PSAP: variants seen among roughly 807,000 people sequenced by gnomAD.
PSAP encodes the protein precursor of saposins.
Under a neutral mutation model 66.0 loss-of-function variants are expected in PSAP, and 25 were observed. The ratio of observed to expected loss-of-function variants is 0.38; its 90% CI spans 0.28 to 0.53. PSAP has a LOEUF of 0.53. Among genes scored for constraint, PSAP ranks in the 20% least tolerant of loss-of-function variants. PSAP has a pLI of 0.83. For synonymous variants in PSAP, 273 were observed against 258.9 expected (o/e 1.05, Z -0.52); for missense variants, 649 against 668.8 (o/e 0.97, Z 0.33).
intron 1 of PSAP, among the ~76,000 whole-genome samples, chr10:71,846,661 G>A (rs1842829931): frequency 6.6e-6 from 1 of 151,184 alleles, no homozygotes; most frequent in African/African-American, 2.4e-5. Context: ...AAACCCGGGA[G>A]GTGGAGGTTG....
intron 13 of PSAP, 109 bp from the exon 14 acceptor site, chr10:71,817,585 G>T: frequency 1.9e-6 from 2 of 1,074,840 alleles, no homozygotes; most frequent in Non-Finnish European, 2.9e-6. Context: ...CTTGTCCTAG[G>T]TCAGCTGGAT....
intron 13 of PSAP, 116 bp from the exon 14 acceptor site, chr10:71,817,592 G>A (rs1842197163): frequency 1.0e-6 from 1 of 984,984 alleles, no homozygotes; most frequent in South Asian, 1.3e-5. Context: ...TAGGTCAGCT[G>A]GATGGCACCA....
chr10:71,830,750 C>A (rs188279389), intron 4 of PSAP, among the ~76,000 whole-genome samples: 105 of 152,320 alleles, frequency 6.9e-4, no homozygotes, highest in African/African-American at 2.4e-3. Flanking sequence ...CCAATACATT[C>A]CCTGAATTAT....
intron 1 of PSAP, among the ~76,000 whole-genome samples, chr10:71,849,111 AAG>A: frequency 6.6e-6 from 1 of 152,344 alleles, no homozygotes; most frequent in Middle Eastern, 3.4e-3. Flanking sequence ...TGTAAAAAGA[AAG>A]AAAAAAAATT....
chr10:71,839,385 G>A (rs1842688320), intron 1 of PSAP, among the ~76,000 whole-genome samples: 1 of 152,114 alleles, frequency 6.6e-6, no homozygotes, highest in East Asian at 2.0e-4. Flanking sequence ...GATTATAGGC[G>A]CCTGCCACCA....
intron 2 of PSAP, 32 bp downstream of exon 2, chr10:71,834,340 T>A (rs368412216): frequency 5.1e-5 from 83 of 1,612,444 alleles, no homozygotes; most frequent in Non-Finnish European, 6.9e-5. Flanking sequence ...AGAGGAGTGC[T>A]GCGGCTGGGA....
At position 71,831,258 on chromosome 10, in the gene PSAP, G is replaced by C; in HGVS notation, c.250-7C>G. The stretch of plus-strand genomic sequence containing the variant: ...AGTAAACAAGGATCTCCTCCTACGA[G>C]AGGACACCAGGGTCAGAATCACGAT... On this transcript the variant is annotated splice_region_variant and splice_polypyrimidine_tract_variant and intron_variant, in intron 3 of 13. Coordinates refer to ENST00000394936, the MANE Select transcript of PSAP (RefSeq NM_002778.4). 6.2e-7 allele frequency: 1 copy of C among 1,613,590 alleles called. No homozygotes were observed. Among genetic ancestry groups the C allele is most frequent in the Non-Finnish European group, 8.5e-7 (1 of 1,179,850 alleles).
intron 8 of PSAP, among the ~76,000 whole-genome samples, chr10:71,821,271 C>A (rs1441511484): frequency 6.6e-6 from 1 of 152,246 alleles, no homozygotes; most frequent in Non-Finnish European, 1.5e-5. Context: ...AGGCATCACA[C>A]AGCCCAGGCC....
At position 71,818,791 on chromosome 10, in the gene PSAP, A is replaced by T. The variant is rs1842231111; in HGVS notation, c.1432-67T>A. ...AGCTGCCCGATGTATCGCTTTCAAA[A>T]CTAAGAAAACAGTTTCCAGAAGGAG... On this transcript the variant is annotated intron_variant, in intron 12 of 13. Coordinates refer to ENST00000394936, the MANE Select transcript of PSAP (RefSeq NM_002778.4). 4 of 1,351,312 alleles carry T rather than the reference A, an allele frequency of 3.0e-6. No homozygotes were observed. The South Asian group carries it at 3.5e-5, about 12-fold the overall frequency. The allele number at this position is 1,351,312 out of a possible 1,614,324, so 83.7% of individuals were successfully genotyped here.
At chr10:71,836,586 A>G (rs1319336276) in intron 1 of PSAP, among the ~76,000 whole-genome samples, 1 of 152,174 alleles carries the variant, frequency 6.6e-6, no homozygotes, top group African/African-American at 2.4e-5. Context: ...AGGCAGAGGA[A>G]GGCAGAGTGA....
intron 5 of PSAP, 28 bp from the exon 6 acceptor site, chr10:71,828,185 C>G (rs1348520553): frequency 1.2e-6 from 2 of 1,613,784 alleles, no homozygotes; most frequent in Non-Finnish European, 1.7e-6. Context: ...AGGTTTGCAA[C>G]TTAAGAGGAC....
intron 1 of PSAP, among the ~76,000 whole-genome samples, chr10:71,836,308 T>C (rs913473031): frequency 5.9e-5 from 9 of 152,088 alleles, no homozygotes; most frequent in African/African-American, 2.2e-4. Context: ...GCCCGCAGTG[T>C]AGCCAAGCAT....
chr10:71,818,434 G>A (rs1842219731), intron 13 of PSAP, among the ~76,000 whole-genome samples, 183 bp downstream of exon 13: 2 of 152,184 alleles, frequency 1.3e-5, no homozygotes, highest in African/African-American at 4.8e-5. Flanking sequence ...CTACAAGAGT[G>A]TAGTTCACCC....
intron 7 of PSAP, chr10:71,822,784 C>T (rs1842331404): frequency 5.8e-6 from 2 of 343,620 alleles, no homozygotes; most frequent in South Asian, 2.5e-5. Context: ...AACCCTAAAG[C>T]AGCAGGAACA....
chr10:71,835,420 A>G (rs1842602962), intron 1 of PSAP, among the ~76,000 whole-genome samples: 1 of 151,940 alleles, frequency 6.6e-6, no homozygotes, highest in Non-Finnish European at 1.5e-5. Flanking sequence ...TCTCTACAAA[A>G]AATTAGCCGG....
At chr10:71,842,560 C>A (rs1436123512) in intron 1 of PSAP, among the ~76,000 whole-genome samples, 1 of 152,110 alleles carries the variant, frequency 6.6e-6, no homozygotes, top group East Asian at 1.9e-4. Flanking sequence ...TGAGAGCCTC[C>A]AAGCTAAACA....
chr10:71,826,579 G>T (rs1331751453), intron 6 of PSAP, among the ~76,000 whole-genome samples: 1 of 152,164 alleles, frequency 6.6e-6, no homozygotes, highest in African/African-American at 2.4e-5. Context: ...CTAACGGAAA[G>T]TCAGAGAGAA....
intron 6 of PSAP, among the ~76,000 whole-genome samples, chr10:71,826,415 C>T (rs1199330735): frequency 1.3e-5 from 2 of 152,204 alleles, no homozygotes; most frequent in East Asian, 3.8e-4. Context: ...TGGGGAGCTT[C>T]TACAGAGAGA....
At chr10:71,847,130 C>G (rs191263106) in intron 1 of PSAP, among the ~76,000 whole-genome samples, 1 of 152,148 alleles carries the variant, frequency 6.6e-6, no homozygotes, top group Non-Finnish European at 1.5e-5. Flanking sequence ...ATCAATCCAA[C>G]ACACTTCAAC....
Sources: gnomAD v4.1 joint callset for allele counts (sites outside exome capture counted in the v4.1 genomes callset) on GRCh38, gnomAD v4.1.1 for gene constraint, MANE v1.5 for transcripts, NCBI Gene and HGNC (gene_info 2026-07-23, HGNC 2026-07-21) for gene names.